SLC25A21: variants seen among roughly 807,000 people sequenced by gnomAD.
SLC25A21 encodes solute carrier family 25 member 21, also known as mitochondrial 2-oxodicarboxylate carrier.
In SLC25A21, 47 loss-of-function variants were observed where a neutral mutation model predicts 43.8. That is an observed-to-expected ratio of 1.07 (90% CI 0.85 to 1.37). SLC25A21 has a LOEUF of 1.37. Ranked by LOEUF, SLC25A21 falls within the 40% of genes most tolerant of loss-of-function variation. The probability of loss-of-function intolerance (pLI) is 0.00; values close to 1 mark genes in which losing one functional copy is unlikely to be tolerated. For synonymous variants in SLC25A21, 131 were observed against 121.3 expected, an observed-to-expected ratio of 1.08 and a Z score of -0.52; for missense variants, 352 against 350.2, an observed-to-expected ratio of 1.00 and a Z score of -0.04.
At chr14:36,797,681 G>A (rs903349538) in intron 3 of SLC25A21, among the ~76,000 whole-genome samples, 11 of 152,088 alleles carry the variant, frequency 7.2e-5, no homozygotes, top group Admixed American at 1.3e-4. Context: ...CCTAATTTGC[G>A]GTAGCAGAGT....
intron 1 of SLC25A21, among the ~76,000 whole-genome samples, chr14:36,913,812 A>G (rs1208795504): frequency 1.3e-5 from 2 of 152,244 alleles, no homozygotes; most frequent in Non-Finnish European, 2.9e-5. Context: ...AATGGTAAGC[A>G]CCACATGGGT....
chr14:36,971,581 C>T (rs1020980207), intron 1 of SLC25A21, among the ~76,000 whole-genome samples: 1 of 152,060 alleles, frequency 6.6e-6, no homozygotes, highest in Non-Finnish European at 1.5e-5. Context: ...CCTATAAAAT[C>T]TGCTATGGTC....
chr14:36,718,790 C>G (rs1284436256), intron 6 of SLC25A21, among the ~76,000 whole-genome samples: 3 of 152,156 alleles, frequency 2.0e-5, no homozygotes, highest in Non-Finnish European at 2.9e-5. Flanking sequence ...ATTTTCCCAT[C>G]AGTTACACAT....
chr14:36,807,316 G>C (rs940780196), intron 3 of SLC25A21, among the ~76,000 whole-genome samples: 1 of 152,188 alleles, frequency 6.6e-6, no homozygotes, highest in African/African-American at 2.4e-5. Flanking sequence ...GCTTGGCAAT[G>C]CTGGGTGGAT....
At position 37,025,298 on chromosome 14, in the gene SLC25A21, T is replaced by A. The variant is rs545969708; in HGVS notation, c.70+146983A>T. 1.1e-4 allele frequency among the ~76,000 whole-genome samples: 16 copies of A among 152,228 alleles called. 3 individuals are homozygous for A. Among genetic ancestry groups the A allele is most frequent in the African/African-American group, 3.9e-4 (16 of 41,548 alleles). On this transcript the variant is annotated intron_variant, in intron 1 of 9. Coordinates refer to ENST00000331299, the MANE Select transcript of SLC25A21 (RefSeq NM_030631.4). ...AAATAATAGCTCCACCCGTATCTAA[T>A]CCTGGGATTGTTTTGAGAAGAACAT...
intron 1 of SLC25A21, among the ~76,000 whole-genome samples, chr14:37,027,036 A>G (rs2138762291): frequency 6.6e-6 from 1 of 152,296 alleles, no homozygotes; most frequent in East Asian, 1.9e-4. Context: ...TACCATCTCC[A>G]TGAAGTCACA....
chr14:36,713,330 T>G (rs922370580), intron 6 of SLC25A21, among the ~76,000 whole-genome samples: 1 of 152,202 alleles, frequency 6.6e-6, no homozygotes, highest in Non-Finnish European at 1.5e-5. Flanking sequence ...TTAATTTGGA[T>G]AGCATCTTTC....
intron 1 of SLC25A21, among the ~76,000 whole-genome samples, chr14:37,024,920 A>G (rs1374411432): frequency 6.6e-6 from 1 of 152,138 alleles, no homozygotes; most frequent in Non-Finnish European, 1.5e-5. Flanking sequence ...CCATTTGTCA[A>G]TTTAAATCTT....
chr14:36,906,634 T>C (rs188389400), intron 1 of SLC25A21, among the ~76,000 whole-genome samples: 1 of 152,098 alleles, frequency 6.6e-6, no homozygotes, highest in African/African-American at 2.4e-5. Context: ...GGCTCCCAAG[T>C]AGCTGGGATT....
At chr14:36,776,643 T>A in intron 3 of SLC25A21, among the ~76,000 whole-genome samples, 1 of 152,088 alleles carries the variant, frequency 6.6e-6, no homozygotes, top group South Asian at 2.1e-4. Context: ...GGAAACACAG[T>A]GACTTTTGAC....
chr14:36,912,594 G>T (rs1049957158), intron 1 of SLC25A21, among the ~76,000 whole-genome samples: 13 of 152,216 alleles, frequency 8.5e-5, no homozygotes, highest in African/African-American at 2.7e-4. Flanking sequence ...TCAACTGATA[G>T]AGTACAATTT....
In SLC25A21 at chr14:37,103,142, G is replaced by A. The variant is rs117780078; in HGVS notation, c.70+69139C>T. ...CATTAGCTTGGAATGCATGTTTAAC[G>A]TGCTATGGGAAATATTATACTGCAA... On this transcript the variant is annotated intron_variant, in intron 1 of 9. Coordinates refer to ENST00000331299, the MANE Select transcript of SLC25A21 (RefSeq NM_030631.4). Among the ~76,000 whole-genome samples, 33 of 152,252 alleles carry A rather than the reference G, an allele frequency of 2.2e-4. No homozygotes were observed. The East Asian group carries it at 5.0e-3, about 23-fold the overall frequency.
intron 1 of SLC25A21, among the ~76,000 whole-genome samples, chr14:36,950,362 G>A (rs563810287): frequency 4.9e-4 from 75 of 152,232 alleles, no homozygotes; most frequent in Non-Finnish European, 1.0e-3. Context: ...AAATGGGGTC[G>A]TAAGAAGGAC....
At chr14:37,022,684 C>A in intron 1 of SLC25A21, among the ~76,000 whole-genome samples, 1 of 151,908 alleles carries the variant, frequency 6.6e-6, no homozygotes, top group African/African-American at 2.4e-5. Flanking sequence ...TAAAATATTA[C>A]CCTAACCATT....
intron 7 of SLC25A21, among the ~76,000 whole-genome samples, chr14:36,690,439 TGTAAGAG>T (rs1242279257): frequency 6.6e-6 from 1 of 152,172 alleles, no homozygotes; most frequent in African/African-American, 2.4e-5. Context: ...TCACACTGCT[TGTAAGAG>T]GTGGAGCCTG....
chr14:36,895,671 G>A (rs189776445), intron 1 of SLC25A21, among the ~76,000 whole-genome samples: 1,635 of 152,164 alleles, frequency 0.011, 32 homozygotes, highest in African/African-American at 0.037. Context: ...TCTCTTGTGG[G>A]CATTTAGTGC....
intron 3 of SLC25A21, among the ~76,000 whole-genome samples, chr14:36,799,840 G>A (rs1276685190): frequency 1.3e-5 from 2 of 152,024 alleles, no homozygotes; most frequent in Non-Finnish European, 2.9e-5. Context: ...TCAGCACCTG[G>A]TAAGTTATTG....
intron 1 of SLC25A21, among the ~76,000 whole-genome samples, chr14:37,090,545 C>T (rs1455264319): frequency 1.3e-5 from 2 of 152,214 alleles, no homozygotes; most frequent in Non-Finnish European, 2.9e-5. Flanking sequence ...GCTAGTGCTA[C>T]TTAGCTTTCA....
At position 36,683,755 on chromosome 14, in the gene SLC25A21, G is replaced by T. The variant is rs985366564; in HGVS notation, c.838+73C>A. The T allele has an allele frequency of 3.7e-6, 4 of 1,074,164 alleles. No homozygotes were observed. In the East Asian group the frequency reaches 7.4e-5, roughly 20 times the overall value. 66.5% of individuals were successfully genotyped at this position (1,074,164 alleles called of 1,614,324 possible). ...AAGTGGTAAATATTTTGTTGCTGAT[G>T]GACACAAATATCAAAAAAAGAGACG... is the stretch of plus-strand genomic sequence containing the variant. On this transcript the variant is annotated intron_variant, in intron 9 of 9. Transcript: ENST00000331299.
Sources: gnomAD v4.1 joint callset for allele counts (sites outside exome capture counted in the v4.1 genomes callset) on GRCh38, gnomAD v4.1.1 for gene constraint, MANE v1.5 for transcripts, NCBI Gene and HGNC (gene_info 2026-07-23, HGNC 2026-07-21) for gene names.